The following SNAP91 variants were observed in gnomAD, a reference collection of about 807,000 sequenced individuals.
The protein encoded by SNAP91 is clathrin coat assembly protein AP180.
A neutral mutation model predicts 100.3 loss-of-function variants in SNAP91; 27 were observed. The observed-to-expected ratio is 0.27, with a 90% confidence interval of 0.20 to 0.37. The LOEUF (loss-of-function observed/expected upper bound fraction) is 0.37, where lower values mean the gene tolerates loss of function less well. Among genes scored for constraint, SNAP91 ranks in the 10% least tolerant of loss-of-function variants. The probability of loss-of-function intolerance (pLI) is 1.00; values close to 1 mark genes in which losing one functional copy is unlikely to be tolerated. For missense variants in SNAP91, 986 were observed against 1,123.7 expected (o/e 0.88, Z 1.75); for synonymous variants, 404 against 398.6 (o/e 1.01, Z -0.16).
At position 83,605,820 on chromosome 6, in the gene SNAP91, A is replaced by C. The variant is rs1345851276; in HGVS notation, c.1023-17T>G. The C allele has an allele frequency of 1.3e-6, 2 of 1,515,168 alleles. No homozygotes were observed. Among genetic ancestry groups the C allele is most frequent in the African/African-American group, 2.8e-5 (2 of 71,348 alleles). 93.9% of individuals were successfully genotyped at this position (1,515,168 alleles called of 1,614,324 possible). On this transcript the variant is annotated splice_polypyrimidine_tract_variant and intron_variant, in intron 13 of 29. Coordinates refer to ENST00000369694, the MANE Select transcript of SNAP91 (RefSeq NM_001242792.2). ...TTAGAAGTGCTGAAAGGAAAATAAAACATTAAAATCAGATTTTGAAATTTT... is the reference window on the plus strand; with the variant it reads ...TTAGAAGTGCTGAAAGGAAAATAAACCATTAAAATCAGATTTTGAAATTTT...
chr6:83,584,514 A>T (rs977054711), intron 22 of SNAP91, among the ~76,000 whole-genome samples: 5 of 152,162 alleles, frequency 3.3e-5, no homozygotes, highest in Non-Finnish European at 7.4e-5. Flanking sequence ...ACTGAAAAAA[A>T]AAAATAGTGC....
intron 23 of SNAP91, 63 bp downstream of exon 23, chr6:83,582,159 T>C: frequency 2.5e-6 from 4 of 1,568,656 alleles, no homozygotes; most frequent in African/African-American, 1.4e-5. Context: ...ATACTAACCT[T>C]AGGTAGTACT....
intron 3 of SNAP91, among the ~76,000 whole-genome samples, chr6:83,664,355 T>C (rs147445949): frequency 9.9e-5 from 15 of 152,230 alleles, no homozygotes; most frequent in African/African-American, 3.6e-4. Context: ...GAAAACCTTC[T>C]AGAAAAGATT....
intron 8 of SNAP91, among the ~76,000 whole-genome samples, chr6:83,628,245 A>C (rs1302635991): frequency 1.4e-5 from 2 of 138,072 alleles, no homozygotes; most frequent in Admixed American, 7.4e-5. Context: ...ATATATATAT[A>C]TCACAGTTTA....
At chr6:83,682,373 G>T (rs1008165260) in intron 2 of SNAP91, among the ~76,000 whole-genome samples, 5 of 151,184 alleles carry the variant, frequency 3.3e-5, no homozygotes, top group Non-Finnish European at 7.4e-5. Context: ...TTGTGTGTTT[G>T]TTGTTTGTTT....
upstream of SNAP91, chr6:83,709,285 G>GCATC (rs1219343168): frequency 6.6e-6 from 1 of 152,228 alleles, no homozygotes; most frequent in African/African-American, 2.4e-5. Context: ...TCCCCGGCAA[G>GCATC]CCGGCGGGGA....
chr6:83,680,938 C>T (rs542778913), intron 2 of SNAP91, among the ~76,000 whole-genome samples: 1 of 152,216 alleles, frequency 6.6e-6, no homozygotes, highest in African/African-American at 2.4e-5. Context: ...GTGATCAATA[C>T]TTACCTAGTT....
intron 26 of SNAP91, among the ~76,000 whole-genome samples, chr6:83,572,689 A>G (rs1363632812): frequency 6.6e-6 from 1 of 152,330 alleles, no homozygotes; most frequent in East Asian, 1.9e-4. Context: ...TTGTTAAAAA[A>G]CAAAAGTTTT....
chr6:83,697,589 T>C (rs1345934933), intron 2 of SNAP91, among the ~76,000 whole-genome samples: 7 of 152,266 alleles, frequency 4.6e-5, no homozygotes, highest in Admixed American at 2.0e-4. Flanking sequence ...CGTTGTCAGA[T>C]CATGGTCATG....
intron 2 of SNAP91, among the ~76,000 whole-genome samples, chr6:83,694,510 G>A (rs571310442): frequency 6.6e-6 from 1 of 152,272 alleles, no homozygotes; most frequent in African/African-American, 2.4e-5. Flanking sequence ...ATAATATCGT[G>A]CCATATACAT....
chr6:83,652,931 T>C (rs2098265228), intron 7 of SNAP91, among the ~76,000 whole-genome samples: 1 of 152,204 alleles, frequency 6.6e-6, no homozygotes, highest in Non-Finnish European at 1.5e-5. Context: ...CTTGTTTGCA[T>C]GGTTTGTGAA....
At chr6:83,661,428 C>T (rs953803924) in intron 5 of SNAP91, 74 bp downstream of exon 5, 19 of 838,740 alleles carry the variant, frequency 2.3e-5, no homozygotes, top group Non-Finnish European at 3.3e-5. Context: ...GGCATTTAAG[C>T]TTAGTTAAAA....
intron 26 of SNAP91, among the ~76,000 whole-genome samples, chr6:83,568,544 A>C (rs1013105929): frequency 6.6e-6 from 1 of 152,044 alleles, no homozygotes; most frequent in Non-Finnish European, 1.5e-5. Context: ...TAAAACAGGA[A>C]TAAGTAACCC....
At chr6:83,640,250 G>A (rs148870724) in intron 8 of SNAP91, among the ~76,000 whole-genome samples, 180 of 152,148 alleles carry the variant, frequency 1.2e-3, no homozygotes, top group African/African-American at 4.0e-3. Flanking sequence ...TTCTTAAATC[G>A]TGTGTATAAA....
intron 2 of SNAP91, among the ~76,000 whole-genome samples, chr6:83,702,336 C>T (rs1190644149): frequency 6.6e-6 from 1 of 152,062 alleles, no homozygotes; most frequent in Non-Finnish European, 1.5e-5. Flanking sequence ...CCAAGATAAG[C>T]TCCAAAGAAC....
In SNAP91 at chr6:83,597,209, C is replaced by T. The variant is rs964509962; in HGVS notation, c.1325-2728G>A. ...CCAGCTGTTTGAATCTTCCTAGCCCCGAAGGAGACATGAATGAGTGTCCAG... is the reference window on the plus strand; with the variant it reads ...CCAGCTGTTTGAATCTTCCTAGCCCTGAAGGAGACATGAATGAGTGTCCAG... On this transcript the variant is annotated intron_variant, in intron 16 of 29. Transcript: ENST00000369694. 2.0e-5 allele frequency among the ~76,000 whole-genome samples: 3 copies of T among 152,096 alleles called. No homozygotes were observed. In the East Asian group the frequency reaches 5.8e-4, roughly 29 times the overall value.
At chr6:83,613,007 T>C (rs1273519946) in intron 11 of SNAP91, among the ~76,000 whole-genome samples, 2 of 151,906 alleles carry the variant, frequency 1.3e-5, no homozygotes, top group East Asian at 3.9e-4. Flanking sequence ...AATGAAGATA[T>C]AATAAAAATG....
At chr6:83,581,994 A>C (rs1366292608) in intron 23 of SNAP91, among the ~76,000 whole-genome samples, 1 of 152,234 alleles carries the variant, frequency 6.6e-6, no homozygotes, top group Non-Finnish European at 1.5e-5. Flanking sequence ...ATTTCTGCTA[A>C]AAATAAACAG....
chr6:83,577,815 A>T (rs991727078), intron 24 of SNAP91, among the ~76,000 whole-genome samples: 2 of 152,188 alleles, frequency 1.3e-5, no homozygotes, highest in Non-Finnish European at 2.9e-5. Flanking sequence ...CAGTGCTAAC[A>T]TAGAACTTTT....
Sources: gnomAD v4.1 joint callset for allele counts (sites outside exome capture counted in the v4.1 genomes callset) on GRCh38, gnomAD v4.1.1 for gene constraint, MANE v1.5 for transcripts, NCBI Gene and HGNC (gene_info 2026-07-23, HGNC 2026-07-21) for gene names.